The following LGSN variants were observed in gnomAD, a reference collection of about 807,000 sequenced individuals.
LGSN encodes lengsin, lens protein with glutamine synthetase domain.
Under a neutral mutation model 19.5 loss-of-function variants are expected in LGSN, and 21 were observed. The ratio of observed to expected loss-of-function variants is 1.07; its 90% CI spans 0.76 to 1.55. The LOEUF is 1.55. Among genes scored for constraint, LGSN ranks in the 40% most tolerant of loss-of-function variants. LGSN has a pLI of 0.00. For missense variants in LGSN, 673 were observed against 608.5 expected (o/e 1.11, Z -1.12); for synonymous variants, 257 against 215.6 (o/e 1.19, Z -1.68).
the LGSN span, among the ~76,000 whole-genome samples, chr6:63,430,322 T>C: frequency 6.6e-6 from 1 of 152,192 alleles, no homozygotes; most frequent in Non-Finnish European, 1.5e-5. Flanking sequence ...AGCTGGTCTC[T>C]GGGTGCTTCA....
chr6:63,555,796 C>T, the LGSN span, among the ~76,000 whole-genome samples: 3 of 151,152 alleles, frequency 2.0e-5, no homozygotes, highest in East Asian at 1.9e-4. Flanking sequence ...CTAGTTCAAG[C>T]GATTCTCCTG....
the LGSN span, among the ~76,000 whole-genome samples, chr6:63,490,869 T>G: frequency 6.6e-6 from 1 of 152,048 alleles, no homozygotes; most frequent in Non-Finnish European, 1.5e-5. Flanking sequence ...GCCAATGGTA[T>G]AAGTCCCAGT....
the LGSN span, among the ~76,000 whole-genome samples, chr6:63,363,090 G>GAAGTAAAGCACTCCTCAGC: frequency 6.6e-6 from 1 of 152,198 alleles, no homozygotes; most frequent in African/African-American, 2.4e-5. Context: ...ACAGGGTCTG[G>GAAGTAAAGCACTCCTCAGC]AGTGGACCTC....
chr6:63,387,589 T>C, the LGSN span, among the ~76,000 whole-genome samples: 1 of 152,192 alleles, frequency 6.6e-6, no homozygotes, highest in Admixed American at 6.5e-5. Flanking sequence ...GAAAATATTT[T>C]ATCATGGATT....
the LGSN span, among the ~76,000 whole-genome samples, chr6:63,555,590 C>T: frequency 6.6e-6 from 1 of 152,118 alleles, no homozygotes; most frequent in Non-Finnish European, 1.5e-5. Context: ...GATTTTGTCT[C>T]ACTGCATGAC....
rs779866072 is a variant in LGSN at position 63,319,913 on chromosome 6, C to T, written c.30+1G>A. 2.5e-6 allele frequency: 4 copies of T among 1,606,824 alleles called. No homozygotes were observed. Among genetic ancestry groups the T allele is most frequent in the Middle Eastern group, 1.7e-4 (1 of 6,046 alleles). On this transcript the variant is annotated splice_donor_variant, in intron 1 of 3. Coordinates refer to ENST00000370657, the MANE Select transcript of LGSN (RefSeq NM_016571.3). LOFTEE classifies it high-confidence loss of function. ...AAACATTTTAATGATTAGCTTCATACCTCCTGCAGAAGGTCCTCTTCATTA... is the reference window on the plus strand; with the variant it reads ...AAACATTTTAATGATTAGCTTCATATCTCCTGCAGAAGGTCCTCTTCATTA...
At chr6:63,496,618 CTTT>C in the LGSN span, among the ~76,000 whole-genome samples, 6 of 139,154 alleles carry the variant, frequency 4.3e-5, no homozygotes, top group Non-Finnish European at 3.1e-5. Flanking sequence ...GTATTTGCTC[CTTT>C]TTTTTTTTTT....
At chr6:63,296,261 C>T (rs1767973259) in intron 1 of LGSN, among the ~76,000 whole-genome samples, 1 of 151,774 alleles carries the variant, frequency 6.6e-6, no homozygotes, top group Non-Finnish European at 1.5e-5. Flanking sequence ...CTTTTTCACT[C>T]CAAATAACCT....
chr6:63,506,869 G>T, the LGSN span, among the ~76,000 whole-genome samples: 6 of 152,248 alleles, frequency 3.9e-5, no homozygotes, highest in African/African-American at 1.4e-4. Context: ...GAACATCTCA[G>T]AGAAGTTGAT....
chr6:63,329,248 C>T, the LGSN span, among the ~76,000 whole-genome samples: 5 of 152,144 alleles, frequency 3.3e-5, no homozygotes, highest in Admixed American at 6.5e-5. Flanking sequence ...GGGGCAAGAC[C>T]GTCCACATAA....
chr6:63,570,916 CAT>C, the LGSN span: 1 of 152,118 alleles, frequency 6.6e-6, no homozygotes, highest in African/African-American at 2.4e-5. Context: ...TTTTTTTCGA[CAT>C]GAGTTCCCCA....
At chr6:63,492,179 A>G in the LGSN span, among the ~76,000 whole-genome samples, 1 of 152,198 alleles carries the variant, frequency 6.6e-6, no homozygotes, top group Non-Finnish European at 1.5e-5. Context: ...TTCCTAAAAC[A>G]TCTATTTTGT....
chr6:63,294,759 T>C (rs1331035692), intron 2 of LGSN, among the ~76,000 whole-genome samples, 154 bp downstream of exon 2: 1 of 152,224 alleles, frequency 6.6e-6, no homozygotes, highest in African/African-American at 2.4e-5. Flanking sequence ...TGTAAGCTTA[T>C]ATTTGCCATC....
the LGSN span, among the ~76,000 whole-genome samples, chr6:63,353,196 C>T: frequency 3.9e-3 from 592 of 152,126 alleles, 6 homozygotes; most frequent in African/African-American, 0.014. Context: ...CAAGCAGAGG[C>T]GCTGCTTTTT....
the LGSN span, among the ~76,000 whole-genome samples, chr6:63,491,674 C>T: frequency 1.8e-4 from 28 of 152,292 alleles, no homozygotes; most frequent in South Asian, 2.7e-3. Context: ...AGATGAGTTT[C>T]TGATAAATTG....
the LGSN span, among the ~76,000 whole-genome samples, chr6:63,375,663 A>T: frequency 6.6e-6 from 1 of 152,124 alleles, no homozygotes; most frequent in African/African-American, 2.4e-5. Flanking sequence ...TGGCTGGTAC[A>T]TTATTTTTAA....
At chr6:63,537,116 T>C in the LGSN span, among the ~76,000 whole-genome samples, 6 of 152,328 alleles carry the variant, frequency 3.9e-5, no homozygotes, top group African/African-American at 1.4e-4. Context: ...CATGGATTCA[T>C]GATGATAAAG....
At chr6:63,407,296 C>A in the LGSN span, among the ~76,000 whole-genome samples, 1 of 151,920 alleles carries the variant, frequency 6.6e-6, no homozygotes, top group African/African-American at 2.4e-5. Flanking sequence ...TACTGGCAAA[C>A]CAAATCCAGC....
chr6:63,441,580 A>G, the LGSN span: 1 of 448,798 alleles, frequency 2.2e-6, no homozygotes, highest in Non-Finnish European at 4.3e-6. Context: ...GAGGCAGAGA[A>G]GTATGAGGCA....
Sources: gnomAD v4.1 joint callset for allele counts (sites outside exome capture counted in the v4.1 genomes callset) on GRCh38, gnomAD v4.1.1 for gene constraint, MANE v1.5 for transcripts, NCBI Gene and HGNC (gene_info 2026-07-23, HGNC 2026-07-21) for gene names.